The following RASAL2 variants were observed in gnomAD, a reference collection of about 807,000 sequenced individuals.
RASAL2 encodes the protein RAS protein activator like 2.
A neutral mutation model predicts 128.9 loss-of-function variants in RASAL2; 58 were observed. That is an observed-to-expected ratio of 0.45 (90% CI 0.36 to 0.56). The LOEUF is 0.56. RASAL2 is among the 20% of genes least tolerant of loss of function. RASAL2 has a pLI of 0.00. For missense variants in RASAL2, 1,360 were observed against 1,601.6 expected, an observed-to-expected ratio of 0.85 and a Z score of 2.57; for synonymous variants, 561 against 580.8, an observed-to-expected ratio of 0.97 and a Z score of 0.49.
intron 3 of RASAL2, among the ~76,000 whole-genome samples, chr1:178,309,696 A>G (rs1668146806): frequency 6.6e-6 from 1 of 152,190 alleles, no homozygotes; most frequent in African/African-American, 2.4e-5. Context: ...AAGTGGAGAC[A>G]AAGTGGTTAG....
intron 3 of RASAL2, among the ~76,000 whole-genome samples, chr1:178,365,515 A>G (rs572161565): frequency 5.3e-5 from 8 of 152,172 alleles, no homozygotes; most frequent in Admixed American, 1.3e-4. Flanking sequence ...ACTGTCGCTC[A>G]GGCTGGAGTG....
intron 1 of RASAL2, among the ~76,000 whole-genome samples, chr1:178,151,732 A>G (rs1660921635): frequency 2.6e-5 from 4 of 152,192 alleles, no homozygotes; most frequent in Admixed American, 2.0e-4. Context: ...CTGTGTCAGC[A>G]ATAGAATACA....
chr1:178,365,449 A>T (rs533203060), intron 3 of RASAL2, among the ~76,000 whole-genome samples: 33 of 150,934 alleles, frequency 2.2e-4, no homozygotes, highest in Non-Finnish European at 4.6e-4. Flanking sequence ...ATGTTATGTT[A>T]TGTTATGTTA....
At chr1:178,101,332 A>G (rs1396628208) in intron 1 of RASAL2, among the ~76,000 whole-genome samples, 2 of 152,178 alleles carry the variant, frequency 1.3e-5, no homozygotes, top group Non-Finnish European at 2.9e-5. Context: ...TTCCCTTACC[A>G]GGTGTTAGTA....
chr1:178,433,926 A>C (rs1342676852), intron 5 of RASAL2, among the ~76,000 whole-genome samples: 3 of 152,044 alleles, frequency 2.0e-5, no homozygotes, highest in Non-Finnish European at 2.9e-5. Flanking sequence ...TCAAAAAAAA[A>C]AAAGTCAGTG....
intron 1 of RASAL2, among the ~76,000 whole-genome samples, chr1:178,137,548 G>T (rs562856664): frequency 1.3e-5 from 2 of 152,252 alleles, no homozygotes; most frequent in South Asian, 4.1e-4. Context: ...TTTTCTGTTG[G>T]TGCTAAGAGA....
chr1:178,244,979 A>C (rs1325681674), intron 1 of RASAL2, among the ~76,000 whole-genome samples: 1 of 152,106 alleles, frequency 6.6e-6, no homozygotes, highest in Non-Finnish European at 1.5e-5. Flanking sequence ...TCTATCATTG[A>C]TGGGCATTTG....
intron 4 of RASAL2, among the ~76,000 whole-genome samples, chr1:178,393,305 A>T (rs1459844068): frequency 1.3e-5 from 2 of 152,272 alleles, no homozygotes; most frequent in East Asian, 3.9e-4. Flanking sequence ...ATCACTGGGA[A>T]CCCTGAGTTT....
At position 178,108,085 on chromosome 1, in the gene RASAL2, G is replaced by T. The variant is rs139772834; in HGVS notation, c.202+13391G>T. ...TACATCCTTACCAGCAATGCACGAG[G>T]GTTCCAGTTACTCCACTTCCTTACC... On this transcript the variant is annotated intron_variant, in intron 1 of 17. Transcript: ENST00000367649. Among the ~76,000 whole-genome samples, 1,075 of 152,142 alleles carry T rather than the reference G, an allele frequency of 7.1e-3. 13 individuals carry two copies. The highest frequency in any genetic ancestry group is 0.024 in the African/African-American group (1,017 of 41,516).
chr1:178,422,420 T>C (rs1675214752), intron 5 of RASAL2, among the ~76,000 whole-genome samples: 1 of 152,148 alleles, frequency 6.6e-6, no homozygotes, highest in Non-Finnish European at 1.5e-5. Flanking sequence ...AAAGTGCTAG[T>C]AAATCTCAAA....
intron 4 of RASAL2, among the ~76,000 whole-genome samples, chr1:178,415,889 T>A (rs549318467): frequency 6.6e-6 from 1 of 152,246 alleles, no homozygotes; most frequent in Admixed American, 6.5e-5. Flanking sequence ...TGCTTTCTTT[T>A]GATTAGTGTT....
chr1:178,124,462 A>G (rs1659822090), intron 1 of RASAL2, among the ~76,000 whole-genome samples: 1 of 152,058 alleles, frequency 6.6e-6, no homozygotes, highest in Non-Finnish European at 1.5e-5. Context: ...AGGCTGAGAA[A>G]CTCTGCCTTA....
intron 3 of RASAL2, among the ~76,000 whole-genome samples, chr1:178,380,195 T>C (rs1557943210): frequency 6.6e-6 from 1 of 152,202 alleles, no homozygotes; most frequent in Non-Finnish European, 1.5e-5. Flanking sequence ...CGCCAATTTG[T>C]GACCTTTTTA....
At chr1:178,147,085 T>C (rs1402298879) in intron 1 of RASAL2, among the ~76,000 whole-genome samples, 1 of 152,226 alleles carries the variant, frequency 6.6e-6, no homozygotes, top group Non-Finnish European at 1.5e-5. Flanking sequence ...TAAAATTGGT[T>C]TTGTCAGTGT....
At chr1:178,201,207 G>T (rs1391596131) in intron 1 of RASAL2, among the ~76,000 whole-genome samples, 1 of 152,148 alleles carries the variant, frequency 6.6e-6, no homozygotes, top group Non-Finnish European at 1.5e-5. Flanking sequence ...TTATCAATTT[G>T]GGCCCCCTAA....
intron 1 of RASAL2, among the ~76,000 whole-genome samples, chr1:178,218,053 C>A (rs994870291): frequency 6.6e-6 from 1 of 152,070 alleles, no homozygotes; most frequent in Non-Finnish European, 1.5e-5. Context: ...AGAAGCAACT[C>A]CTCACCCATT....
At chr1:178,266,223 T>C (rs1430910522) in intron 1 of RASAL2, among the ~76,000 whole-genome samples, 1 of 152,216 alleles carries the variant, frequency 6.6e-6, no homozygotes, top group African/African-American at 2.4e-5. Flanking sequence ...CCTCAGATCC[T>C]TCAATTCCTC....
intron 1 of RASAL2, among the ~76,000 whole-genome samples, chr1:178,164,794 T>A (rs1661461675): frequency 1.3e-5 from 2 of 148,622 alleles, no homozygotes; most frequent in Admixed American, 1.4e-4. Flanking sequence ...TTTAAGTTTT[T>A]TAGAACATAC....
intron 1 of RASAL2, among the ~76,000 whole-genome samples, chr1:178,110,521 ATATATAT>A (rs2102243249): frequency 6.8e-6 from 1 of 147,330 alleles, no homozygotes; most frequent in South Asian, 2.1e-4. Flanking sequence ...TATATAGTGT[ATATATAT>A]GCTATATATA....
Sources: gnomAD v4.1 joint callset for allele counts (sites outside exome capture counted in the v4.1 genomes callset) on GRCh38, gnomAD v4.1.1 for gene constraint, MANE v1.5 for transcripts, NCBI Gene and HGNC (gene_info 2026-07-23, HGNC 2026-07-21) for gene names.